Variants in MGAT5 observed in about 807,000 individuals in gnomAD.
MGAT5 encodes the protein alpha-1,6-mannosylglycoprotein 6-beta-N-acetylglucosaminyltransferase, also known as alpha-1,6-mannosylglycoprotein 6-beta-N-acetylglucosaminyltransferase A.
In MGAT5, 30 loss-of-function variants were observed where a neutral mutation model predicts 94.3. That is an observed-to-expected ratio of 0.32 (90% CI 0.24 to 0.43). The LOEUF is 0.43. Among genes scored for constraint, MGAT5 ranks in the 20% least tolerant of loss-of-function variants. The pLI is 1.00. For synonymous variants in MGAT5, 310 were observed against 322.9 expected (o/e 0.96, Z 0.43); for missense variants, 691 against 905.5 (o/e 0.76, Z 3.04).
chr2:134,240,504 A>C (rs1262441504), intron 1 of MGAT5, among the ~76,000 whole-genome samples: 3 of 152,188 alleles, frequency 2.0e-5, no homozygotes, highest in Non-Finnish European at 2.9e-5. Context: ...TGTAGTCGGA[A>C]GAGTGATCTG....
At chr2:134,335,669 A>T (rs146491384) in intron 4 of MGAT5, among the ~76,000 whole-genome samples, 1 of 150,496 alleles carries the variant, frequency 6.6e-6, no homozygotes, top group Admixed American at 6.6e-5. Flanking sequence ...ATTTCTTGAG[A>T]TAGTGTGAAG....
chr2:134,230,690 C>G (rs1222266853), intron 1 of MGAT5, among the ~76,000 whole-genome samples: 5 of 152,186 alleles, frequency 3.3e-5, no homozygotes, highest in Non-Finnish European at 7.4e-5. Flanking sequence ...TTGGAACCTT[C>G]ATACACTGGT....
intron 11 of MGAT5, among the ~76,000 whole-genome samples, chr2:134,405,733 A>C (rs1392113368): frequency 6.6e-6 from 1 of 152,200 alleles, no homozygotes; most frequent in Admixed American, 6.5e-5. Context: ...TAGAGAGATG[A>C]TTGATGCTTG....
chr2:134,322,277 A>C (rs1558789509), intron 4 of MGAT5, among the ~76,000 whole-genome samples: 1 of 152,168 alleles, frequency 6.6e-6, no homozygotes, highest in South Asian at 2.1e-4. Flanking sequence ...AATTAGAATC[A>C]ATTTCTGGTT....
chr2:134,126,030 C>T lies in MGAT5; in HGVS notation c.-143+5739C>T, dbSNP rs993367531. ...ACCATTCCTTAACATTTCTGATAAT[C>T]GGTGCCTGTGAAGACATTCCCGCAG... On this transcript the variant is annotated intron_variant, in intron 1 of 16. Coordinates refer to the MGAT5 transcript ENST00000409645. 2.6e-5 allele frequency among the ~76,000 whole-genome samples: 4 copies of T among 152,276 alleles called. No individual in the cohort carries two copies. The South Asian group carries it at 6.2e-4, about 24-fold the overall frequency.
intron 2 of MGAT5, among the ~76,000 whole-genome samples, chr2:134,278,257 T>A (rs1265531494): frequency 6.6e-6 from 1 of 152,220 alleles, no homozygotes; most frequent in Non-Finnish European, 1.5e-5. Context: ...TATGTTAATA[T>A]GTTCTGTCTT....
Position 134,131,078 on chromosome 2 carries a change from C to T in MGAT5, c.-143+10787C>T, listed in dbSNP as rs967679417. ...CTTTGCAATAAATTTTGCTGCTGGT[C>T]ACTCTTTGGGTCCACACTGCCTTTA... On this transcript the variant is annotated intron_variant, in intron 1 of 16. Transcript: ENST00000409645. 2.0e-5 allele frequency among the ~76,000 whole-genome samples: 3 copies of T among 152,206 alleles called. No individual in the cohort carries two copies. The South Asian group carries it at 6.2e-4, about 32-fold the overall frequency.
In MGAT5 at chr2:134,385,762, C is replaced by G. The variant is rs144709193; in HGVS notation, c.1381-17226C>G. On this transcript the variant is annotated intron_variant, in intron 10 of 15. Transcript: ENST00000281923. ...AATGAAAAGTTTTGACAATATGACACTAGGGAAACATAAAGCCACTGAAGA... is the reference window on the plus strand; with the variant it reads ...AATGAAAAGTTTTGACAATATGACAGTAGGGAAACATAAAGCCACTGAAGA... Among the ~76,000 whole-genome samples, 998 of 152,160 alleles carry G rather than the reference C, an allele frequency of 6.6e-3. 15 individuals carry two copies. Among genetic ancestry groups the G allele is most frequent in the African/African-American group, 0.023 (954 of 41,496 alleles).
intron 1 of MGAT5, among the ~76,000 whole-genome samples, chr2:134,129,488 C>G (rs577006848): frequency 6.6e-6 from 1 of 152,250 alleles, no homozygotes; most frequent in East Asian, 1.9e-4. Flanking sequence ...TACCACAGTC[C>G]TCAAAACTCC....
chr2:134,390,610 A>G (rs1682343427), intron 10 of MGAT5, among the ~76,000 whole-genome samples: 1 of 152,240 alleles, frequency 6.6e-6, no homozygotes. Context: ...ACTATTTTAA[A>G]TGTAGGACTA....
intron 4 of MGAT5, among the ~76,000 whole-genome samples, chr2:134,321,091 T>C (rs1184657713): frequency 6.6e-6 from 1 of 152,194 alleles, no homozygotes; most frequent in African/African-American, 2.4e-5. Context: ...AGTTTCTGGC[T>C]TCCGGCTTGG....
At chr2:134,400,047 C>T (rs974474496) in intron 10 of MGAT5, among the ~76,000 whole-genome samples, 1 of 152,174 alleles carries the variant, frequency 6.6e-6, no homozygotes. Flanking sequence ...ACCCTTCCAT[C>T]CTGGAGAAGA....
At chr2:134,262,726 T>G (rs745634167) in intron 1 of MGAT5, among the ~76,000 whole-genome samples, 2 of 152,222 alleles carry the variant, frequency 1.3e-5, no homozygotes, top group African/African-American at 4.8e-5. Context: ...TAGTAATCAC[T>G]AACTCTGGCT....
upstream of MGAT5, chr2:134,120,164 CG>C: frequency 6.1e-6 from 1 of 163,336 alleles, no homozygotes. Flanking sequence ...CCCGCGGCGG[CG>C]GCCCCGGGCG....
intron 10 of MGAT5, among the ~76,000 whole-genome samples, chr2:134,374,218 G>A (rs1029439378): frequency 7.2e-5 from 11 of 152,154 alleles, no homozygotes; most frequent in African/African-American, 9.7e-5. Context: ...ACCTCTTTCC[G>A]GTGGCTGTTT....
At chr2:134,333,407 G>A (rs1688110731) in intron 4 of MGAT5, among the ~76,000 whole-genome samples, 1 of 136,784 alleles carries the variant, frequency 7.3e-6, no homozygotes, top group South Asian at 2.5e-4. Context: ...ACACAGGAAG[G>A]GGAACATCAC....
intron 1 of MGAT5, among the ~76,000 whole-genome samples, chr2:134,232,581 G>C (rs1004591297): frequency 1.3e-5 from 2 of 152,094 alleles, no homozygotes; most frequent in African/African-American, 4.8e-5. Flanking sequence ...AGTACAAAGA[G>C]ACCCACGGAC....
chr2:134,388,096 C>T (rs1188972420), intron 10 of MGAT5, among the ~76,000 whole-genome samples: 5 of 152,020 alleles, frequency 3.3e-5, no homozygotes, highest in African/African-American at 1.2e-4. Flanking sequence ...ATGGAAGGTC[C>T]CTAAAGCTCA....
chr2:134,138,574 A>G (rs557610716), intron 1 of MGAT5, among the ~76,000 whole-genome samples: 2 of 152,226 alleles, frequency 1.3e-5, no homozygotes, highest in Non-Finnish European at 2.9e-5. Context: ...GACCTCACAC[A>G]TGCAGATGAA....
Sources: gnomAD v4.1 joint callset for allele counts (sites outside exome capture counted in the v4.1 genomes callset) on GRCh38, gnomAD v4.1.1 for gene constraint, MANE v1.5 for transcripts, NCBI Gene and HGNC (gene_info 2026-07-23, HGNC 2026-07-21) for gene names.